The following COMMD6 variants were observed in gnomAD, a reference collection of about 807,000 sequenced individuals.
The protein encoded by COMMD6 is COMM domain-containing protein 6.
COMMD6 carries 11 observed loss-of-function variants against 13.4 expected under a neutral mutation model. The observed-to-expected ratio is 0.82, with a 90% CI of 0.52 to 1.36. The LOEUF (loss-of-function observed/expected upper bound fraction) is 1.36. Ranked by LOEUF, COMMD6 falls within the 40% of genes most tolerant of loss-of-function variation. The pLI is 0.00. For synonymous variants in COMMD6, 43 were observed against 36.5 expected, an observed-to-expected ratio of 1.18 and a Z score of -0.64; for missense variants, 124 against 102.4, an observed-to-expected ratio of 1.21 and a Z score of -0.91.
upstream of COMMD6, chr13:75,538,624 TC>T (rs1298864508): frequency 6.6e-6 from 1 of 152,232 alleles, no homozygotes; most frequent in Non-Finnish European, 1.5e-5. Context: ...AGGGCATTCT[TC>T]TAAATAACCA....
upstream of COMMD6, chr13:75,537,908 G>A: frequency 3.2e-6 from 4 of 1,231,582 alleles, no homozygotes; most frequent in South Asian, 1.5e-5. Flanking sequence ...TGGGGCGGAC[G>A]TAGCAGGGGA....
At chr13:75,530,819 A>C (rs910637805) in intron 2 of COMMD6, among the ~76,000 whole-genome samples, 1 of 152,224 alleles carries the variant, frequency 6.6e-6, no homozygotes, top group Non-Finnish European at 1.5e-5. Context: ...AATGTGCATA[A>C]AGTCACACAT....
chr13:75,547,345 A>G (rs2030919728), intron 1 of COMMD6, among the ~76,000 whole-genome samples: 1 of 152,206 alleles, frequency 6.6e-6, no homozygotes, highest in African/African-American at 2.4e-5. Context: ...AATATTTGTG[A>G]GTGACCACGA....
chr13:75,537,366 C>A (rs1415990398), intron 2 of COMMD6: 2 of 1,550,696 alleles, frequency 1.3e-6, no homozygotes. Context: ...CTTCTTTATC[C>A]AACACTTTAA....
chr13:75,529,674 G>C (rs1369116550), intron 3 of COMMD6: 2 of 153,068 alleles, frequency 1.3e-5, no homozygotes, highest in Non-Finnish European at 2.9e-5. Flanking sequence ...AGCTGATAAA[G>C]CCAGCCAAGA....
chr13:75,536,354 AT>A, intron 2 of COMMD6, among the ~76,000 whole-genome samples: 1 of 152,350 alleles, frequency 6.6e-6, no homozygotes, highest in Middle Eastern at 3.4e-3. Context: ...GAATGACTGC[AT>A]AGAAGGATGT....
At chr13:75,545,715 C>G (rs1036696350) in intron 1 of COMMD6, among the ~76,000 whole-genome samples, 1 of 152,138 alleles carries the variant, frequency 6.6e-6, no homozygotes, top group South Asian at 2.1e-4. Context: ...TCATGATCTG[C>G]CCGCCTCGGC....
upstream of COMMD6, among the ~76,000 whole-genome samples, chr13:75,539,300 G>GCAAT (rs1217103780): frequency 2.0e-5 from 3 of 151,756 alleles, no homozygotes; most frequent in African/African-American, 7.3e-5. Flanking sequence ...GTGCAGTGGT[G>GCAAT]CAATCTAAGC....
upstream of COMMD6, among the ~76,000 whole-genome samples, chr13:75,540,875 T>C (rs1407407144): frequency 6.6e-6 from 1 of 152,208 alleles, no homozygotes; most frequent in African/African-American, 2.4e-5. Context: ...ATGAGCATTA[T>C]GGTGTAATGT....
upstream of COMMD6, chr13:75,537,957 T>C: frequency 2.8e-6 from 2 of 708,312 alleles, no homozygotes; most frequent in South Asian, 4.0e-5. Flanking sequence ...ATATTTTTTC[T>C]TAATTCAACA....
At chr13:75,545,566 C>T (rs7329512) in intron 1 of COMMD6, among the ~76,000 whole-genome samples, 3 of 151,708 alleles carry the variant, frequency 2.0e-5, no homozygotes, top group African/African-American at 7.3e-5. Flanking sequence ...TCCGCCTCCT[C>T]GGTTCACACC....
At chr13:75,531,591 T>G (rs1325264016) in intron 2 of COMMD6, among the ~76,000 whole-genome samples, 1 of 152,210 alleles carries the variant, frequency 6.6e-6, no homozygotes, top group Non-Finnish European at 1.5e-5. Flanking sequence ...ACAAAATAAC[T>G]ACAAATTTCT....
upstream of COMMD6, among the ~76,000 whole-genome samples, chr13:75,542,526 T>C (rs2030843023): frequency 6.6e-6 from 1 of 152,160 alleles, no homozygotes; most frequent in Non-Finnish European, 1.5e-5. Context: ...TGACCTCAGG[T>C]GATCCACCTA....
At chr13:75,529,387 G>A (rs562935775) in intron 3 of COMMD6, among the ~76,000 whole-genome samples, 12 of 152,206 alleles carry the variant, frequency 7.9e-5, no homozygotes, top group African/African-American at 2.2e-4. Context: ...CAGGCATGGT[G>A]GTGGGCGCCT....
chr13:75,538,772 T>G (rs2030768145), upstream of COMMD6: 1 of 152,210 alleles, frequency 6.6e-6, no homozygotes, highest in African/African-American at 2.4e-5. Context: ...AACTAGAATC[T>G]AATCAAGGGC....
chr13:75,527,469 T>C (rs138512256), intron 3 of COMMD6, among the ~76,000 whole-genome samples: 1 of 152,340 alleles, frequency 6.6e-6, no homozygotes, highest in African/African-American at 2.4e-5. Context: ...GCTCAAAGAA[T>C]GTTCCTTAGC....
intron 2 of COMMD6, among the ~76,000 whole-genome samples, chr13:75,534,646 A>T (rs2030600155): frequency 6.6e-6 from 1 of 152,230 alleles, no homozygotes; most frequent in African/African-American, 2.4e-5. Flanking sequence ...AAAAAGGAAA[A>T]CATACAAAGA....
chr13:75,530,425 C>A, intron 2 of COMMD6, 159 bp from the exon 3 acceptor site: 13 of 494,454 alleles, frequency 2.6e-5, no homozygotes, highest in Middle Eastern at 5.3e-4. Context: ...GAACAATAAT[C>A]AAATGAAAAA....
intron 2 of COMMD6, among the ~76,000 whole-genome samples, chr13:75,533,663 C>T (rs984145637): frequency 2.0e-5 from 3 of 151,382 alleles, no homozygotes; most frequent in Non-Finnish European, 4.4e-5. Flanking sequence ...AGTGCCTGAA[C>T]TAAGTTGGTG....
Sources: gnomAD v4.1 joint callset for allele counts (sites outside exome capture counted in the v4.1 genomes callset) on GRCh38, gnomAD v4.1.1 for gene constraint, MANE v1.5 for transcripts, NCBI Gene and HGNC (gene_info 2026-07-23, HGNC 2026-07-21) for gene names.